The following BCAR3 variants were observed in gnomAD, a reference collection of about 807,000 sequenced individuals.
BCAR3 encodes the protein BCAR3 adaptor protein, NSP family member.
Under a neutral mutation model 80.1 loss-of-function variants are expected in BCAR3, and 37 were observed. The observed-to-expected ratio is 0.46, with a 90% CI of 0.36 to 0.61. BCAR3 has a LOEUF of 0.61. Among genes scored for constraint, BCAR3 ranks in the 20% least tolerant of loss-of-function variants. The probability of loss-of-function intolerance (pLI) is 0.00; values close to 1 mark genes in which losing one functional copy is unlikely to be tolerated. For missense variants in BCAR3, 978 were observed against 1,068.2 expected (o/e 0.92, Z 1.18); for synonymous variants, 389 against 418.9 (o/e 0.93, Z 0.87).
intron 2 of BCAR3, among the ~76,000 whole-genome samples, chr1:93,758,498 A>C (rs1384129935): frequency 6.6e-6 from 1 of 152,178 alleles, no homozygotes; most frequent in Non-Finnish European, 1.5e-5. Flanking sequence ...GGTCTGGAAA[A>C]CACCCCTAAT....
chr1:93,823,296 C>G (rs1308116518), intron 2 of BCAR3, among the ~76,000 whole-genome samples: 1 of 133,362 alleles, frequency 7.5e-6, no homozygotes, highest in African/African-American at 2.5e-5. Flanking sequence ...AAAAGCATCC[C>G]AACCAATTCT....
At chr1:93,766,530 T>C (rs1652156921) in intron 2 of BCAR3, among the ~76,000 whole-genome samples, 1 of 152,230 alleles carries the variant, frequency 6.6e-6, no homozygotes, top group African/African-American at 2.4e-5. Flanking sequence ...GCAGGAATGC[T>C]GGGTTCTTGT....
At chr1:93,674,454 C>T (rs997922637) in intron 2 of BCAR3, among the ~76,000 whole-genome samples, 160 bp downstream of exon 2, 1 of 152,128 alleles carries the variant, frequency 6.6e-6, no homozygotes, top group African/African-American at 2.4e-5. Context: ...CAGGGTTTCA[C>T]CATGTTGGTC....
At chr1:93,689,990 C>T (rs1036493816) in intron 3 of BCAR3, among the ~76,000 whole-genome samples, 1 of 152,192 alleles carries the variant, frequency 6.6e-6, no homozygotes, top group Non-Finnish European at 1.5e-5. Context: ...TCCTAAAATG[C>T]TCATGGCAGC....
chr1:93,673,490 G>A (rs1024677033), intron 2 of BCAR3, among the ~76,000 whole-genome samples: 3 of 152,186 alleles, frequency 2.0e-5, no homozygotes, highest in Non-Finnish European at 4.4e-5. Context: ...ACAAATAAAT[G>A]AGCTAGGATC....
chr1:93,626,957 T>C (rs1376228594), intron 3 of BCAR3, among the ~76,000 whole-genome samples: 7 of 152,210 alleles, frequency 4.6e-5, no homozygotes, highest in Non-Finnish European at 2.9e-5. Context: ...CGGGTATTTA[T>C]TTGGCAGCCA....
chr1:93,803,544 T>G (rs2143995), intron 2 of BCAR3, among the ~76,000 whole-genome samples: 2,384 of 152,282 alleles, frequency 0.016, 56 homozygotes, highest in African/African-American at 0.055. Flanking sequence ...TCACCCTGTA[T>G]ACCCAGTGGC....
At chr1:93,659,672 G>A (rs577386042) in intron 2 of BCAR3, among the ~76,000 whole-genome samples, 3 of 152,094 alleles carry the variant, frequency 2.0e-5, no homozygotes, top group East Asian at 1.9e-4. Context: ...TGACAATCAC[G>A]GTTCTAAGGT....
chr1:93,796,468 A>T (rs925383661), intron 2 of BCAR3, among the ~76,000 whole-genome samples: 1 of 147,788 alleles, frequency 6.8e-6, no homozygotes, highest in Middle Eastern at 3.2e-3. Flanking sequence ...GAACTCCCTG[A>T]CCCCTTGCGC....
At chr1:93,787,374 T>C (rs1652984301) in intron 2 of BCAR3, among the ~76,000 whole-genome samples, 1 of 152,254 alleles carries the variant, frequency 6.6e-6, no homozygotes, top group South Asian at 2.1e-4. Flanking sequence ...TTTGTTCTTG[T>C]TTCTCTAGTT....
chr1:93,587,669 A>C (rs1673998500), intron 5 of BCAR3, among the ~76,000 whole-genome samples: 1 of 151,294 alleles, frequency 6.6e-6, no homozygotes, highest in Non-Finnish European at 1.5e-5. Context: ...TAGAAATGAC[A>C]GTTTATGACA....
At chr1:93,643,809 A>T (rs565827859) in intron 2 of BCAR3, among the ~76,000 whole-genome samples, 1 of 152,262 alleles carries the variant, frequency 6.6e-6, no homozygotes, top group South Asian at 2.1e-4. Flanking sequence ...AAAAAAGTGG[A>T]TAACTATGTG....
intron 2 of BCAR3, among the ~76,000 whole-genome samples, chr1:93,666,289 T>C (rs1178018228): frequency 1.3e-5 from 2 of 152,234 alleles, no homozygotes; most frequent in South Asian, 2.1e-4. Flanking sequence ...ATTTAAAAAA[T>C]AGCTGAAGTT....
At chr1:93,728,463 G>C (rs1650671590) in intron 2 of BCAR3, among the ~76,000 whole-genome samples, 1 of 152,244 alleles carries the variant, frequency 6.6e-6, no homozygotes, top group Non-Finnish European at 1.5e-5. Context: ...CCTGTTGCAA[G>C]GACAGAGGGC....
chr1:93,831,030 G>A (rs533993100), intron 2 of BCAR3, among the ~76,000 whole-genome samples: 42 of 152,088 alleles, frequency 2.8e-4, no homozygotes, highest in Admixed American at 5.9e-4. Flanking sequence ...CATTTTATCC[G>A]TGGACCCAAA....
At chr1:93,606,669 G>T (rs1426719615) in intron 3 of BCAR3, among the ~76,000 whole-genome samples, 2 of 152,152 alleles carry the variant, frequency 1.3e-5, no homozygotes, top group Non-Finnish European at 2.9e-5. Flanking sequence ...AGCCTATCTG[G>T]AGAACTACGG....
intron 2 of BCAR3, among the ~76,000 whole-genome samples, chr1:93,709,174 G>T (rs903965320): frequency 1.3e-5 from 2 of 152,136 alleles, no homozygotes; most frequent in African/African-American, 2.4e-5. Context: ...AGAAGAACGA[G>T]GGGGAGTCCA....
chr1:93,726,006 A>G (rs1169561994), intron 2 of BCAR3, among the ~76,000 whole-genome samples: 1 of 152,072 alleles, frequency 6.6e-6, no homozygotes, highest in Non-Finnish European at 1.5e-5. Flanking sequence ...TAAGTCAATA[A>G]TATCTGGTAG....
intron 2 of BCAR3, among the ~76,000 whole-genome samples, chr1:93,714,715 T>A (rs1650139905): frequency 6.6e-6 from 1 of 152,170 alleles, no homozygotes; most frequent in East Asian, 1.9e-4. Context: ...TTTTTTTTTT[T>A]TCAGATGTCC....
Sources: gnomAD v4.1 joint callset for allele counts (sites outside exome capture counted in the v4.1 genomes callset) on GRCh38, gnomAD v4.1.1 for gene constraint, MANE v1.5 for transcripts, NCBI Gene and HGNC (gene_info 2026-07-23, HGNC 2026-07-21) for gene names.